Variants in FALEC observed in about 807,000 individuals in gnomAD.
FALEC encodes the protein focally amplified lncRNA regulator of ECM1, also known as focally amplified lncRNA on chromosome 1.
chr1:150,522,983 A>ATATATATAT (rs1670676236), downstream of FALEC, among the ~76,000 whole-genome samples: 1 of 15,920 alleles, frequency 6.3e-5, no homozygotes, highest in African/African-American at 3.1e-4. Flanking sequence ...ATATATATAT[A>ATATATATAT]TTTTTTTTTT....
At chr1:150,525,177 C>A in the FALEC span, among the ~76,000 whole-genome samples, 1 of 152,118 alleles carries the variant, frequency 6.6e-6, no homozygotes, top group African/African-American at 2.4e-5. Flanking sequence ...ATCCCAGCTA[C>A]TCAGGAGGCT....
chr1:150,524,847 T>TA, the FALEC span, among the ~76,000 whole-genome samples: 1 of 151,398 alleles, frequency 6.6e-6, no homozygotes. Context: ...AAAAATAAAT[T>TA]AGAGTGGTGT....
chr1:150,524,723 A>G, the FALEC span, among the ~76,000 whole-genome samples: 592 of 152,320 alleles, frequency 3.9e-3, 3 homozygotes, highest in Middle Eastern at 0.02. Flanking sequence ...TAAAATGGCT[A>G]TAATGAAAAA....
chr1:150,526,416 C>G, the FALEC span, among the ~76,000 whole-genome samples: 2 of 150,270 alleles, frequency 1.3e-5, no homozygotes, highest in Non-Finnish European at 3.0e-5. Flanking sequence ...CCAGGCTGGT[C>G]TCAAACTCCT....
At chr1:150,522,876 CAT>C (rs587688475), downstream of FALEC, among the ~76,000 whole-genome samples, 12,333 of 97,996 alleles carry the variant, frequency 0.13, 1,982 homozygotes, top group African/African-American at 0.15. Flanking sequence ...CGTATATATA[CAT>C]ATATATATAC....
chr1:150,534,390 G>C, the FALEC span, among the ~76,000 whole-genome samples: 5 of 152,204 alleles, frequency 3.3e-5, no homozygotes, highest in African/African-American at 1.2e-4. Flanking sequence ...GAGGCACCTG[G>C]CTGGCCCCAA....
At chr1:150,536,542 A>C in the FALEC span, among the ~76,000 whole-genome samples, 1 of 152,166 alleles carries the variant, frequency 6.6e-6, no homozygotes, top group Non-Finnish European at 1.5e-5. Context: ...CTATCTTCAC[A>C]ATACTTTGGG....
the FALEC span, among the ~76,000 whole-genome samples, chr1:150,530,058 T>G: frequency 6.6e-6 from 1 of 152,156 alleles, no homozygotes; most frequent in African/African-American, 2.4e-5. Context: ...GATCAGGGCC[T>G]GACTGATGGG....
chr1:150,519,420 A>T (rs1670611429), downstream of FALEC, among the ~76,000 whole-genome samples: 1 of 152,224 alleles, frequency 6.6e-6, no homozygotes, highest in Non-Finnish European at 1.5e-5. Context: ...ATTAATTTTT[A>T]AAAAGTATGG....
chr1:150,515,805 GA>G (rs2101449690), exon 1 of FALEC: 1 of 152,576 alleles, frequency 6.6e-6, no homozygotes, highest in Non-Finnish European at 1.5e-5. Context: ...GAGGCAGGGG[GA>G]AAAGGCCGGC....
rs1185214388 is a variant in FALEC at position 150,517,573 on chromosome 1, G to A, written n.307-200G>A. On this transcript the variant is annotated intron_variant and non_coding_transcript_variant, in intron 1 of 1. Coordinates refer to ENST00000416894, the Ensembl canonical transcript of FALEC. ...GGTGGAGCCCTCATAAATGGGATTA[G>A]TGCTCTTATAAAAGGGACCCCAGAG... Among the ~76,000 whole-genome samples the A allele has an allele frequency of 4.6e-5, 7 of 152,152 alleles. No homozygotes were observed. The East Asian group carries it at 1.3e-3, about 29-fold the overall frequency.
chr1:150,522,856 T>TACAC (rs1670663072), downstream of FALEC, among the ~76,000 whole-genome samples: 2 of 116,850 alleles, frequency 1.7e-5, no homozygotes, highest in Admixed American at 8.8e-5. Flanking sequence ...TCTCTCTATA[T>TACAC]ATATATATAC....
the FALEC span, among the ~76,000 whole-genome samples, chr1:150,533,967 A>T: frequency 1.3e-5 from 2 of 152,224 alleles, no homozygotes; most frequent in East Asian, 3.8e-4. Context: ...ACCTGTTTTT[A>T]AAATCTGGCG....
intron 1 of FALEC, among the ~76,000 whole-genome samples, chr1:150,517,454 T>G (rs1019029738): frequency 2.0e-5 from 3 of 152,040 alleles, no homozygotes; most frequent in African/African-American, 7.2e-5. Context: ...ACAGACTGAA[T>G]GTTTGTGTAC....
downstream of FALEC, among the ~76,000 whole-genome samples, chr1:150,522,520 G>A (rs1007959421): frequency 2.0e-5 from 3 of 151,578 alleles, no homozygotes; most frequent in African/African-American, 4.8e-5. Context: ...CTACTCAGGA[G>A]GCTGAGGCAG....
the FALEC span, among the ~76,000 whole-genome samples, chr1:150,527,344 T>C: frequency 3.3e-5 from 5 of 150,300 alleles, no homozygotes; most frequent in Middle Eastern, 3.5e-3. Flanking sequence ...CTGCAACCTC[T>C]GCCTCCCGGG....
chr1:150,534,625 T>C, the FALEC span, among the ~76,000 whole-genome samples: 3 of 151,982 alleles, frequency 2.0e-5, no homozygotes, highest in Non-Finnish European at 2.9e-5. Flanking sequence ...GGGCGGATCA[T>C]GAGGTCAGGA....
downstream of FALEC, among the ~76,000 whole-genome samples, chr1:150,522,519 A>G (rs1560270423): frequency 6.6e-6 from 1 of 151,022 alleles, no homozygotes; most frequent in Non-Finnish European, 1.5e-5. Flanking sequence ...GCTACTCAGG[A>G]GGCTGAGGCA....
At chr1:150,535,915 G>A in the FALEC span, among the ~76,000 whole-genome samples, 1 of 152,216 alleles carries the variant, frequency 6.6e-6, no homozygotes, top group Non-Finnish European at 1.5e-5. Context: ...CTGAGAAGCA[G>A]CCACCACATA....
Sources: gnomAD v4.1 joint callset for allele counts (sites outside exome capture counted in the v4.1 genomes callset) on GRCh38, gnomAD v4.1.1 for gene constraint, MANE v1.5 for transcripts, NCBI Gene and HGNC (gene_info 2026-07-23, HGNC 2026-07-21) for gene names.